Variants in KLHL1 observed in about 807,000 individuals in gnomAD.
KLHL1 encodes the protein kelch like family member 1.
A neutral mutation model predicts 77.7 loss-of-function variants in KLHL1; 47 were observed. That is an observed-to-expected ratio of 0.60 (90% CI 0.48 to 0.77). The LOEUF (loss-of-function observed/expected upper bound fraction) is 0.77. KLHL1 is among the 30% of genes least tolerant of loss of function. The pLI, the probability that KLHL1 is intolerant of heterozygous loss-of-function variation, is 0.00. For missense variants in KLHL1, 925 were observed against 910.8 expected (o/e 1.02, Z -0.20); for synonymous variants, 360 against 325.2 (o/e 1.11, Z -1.15).
chr13:70,049,382 TTAAG>T (rs1398904292), intron 1 of KLHL1, among the ~76,000 whole-genome samples: 2 of 152,208 alleles, frequency 1.3e-5, no homozygotes, highest in East Asian at 1.9e-4. Context: ...TTAAAAATAC[TTAAG>T]TAACACTTTA....
chr13:69,801,021 A>G (rs528084360), intron 6 of KLHL1, among the ~76,000 whole-genome samples: 2 of 152,310 alleles, frequency 1.3e-5, no homozygotes, highest in East Asian at 3.9e-4. Flanking sequence ...GTGAAGTCGA[A>G]TTACTCTGTG....
At chr13:69,718,969 C>T (rs946724560) in intron 9 of KLHL1, among the ~76,000 whole-genome samples, 1 of 152,012 alleles carries the variant, frequency 6.6e-6, no homozygotes, top group African/African-American at 2.4e-5. Flanking sequence ...GAATAGAACA[C>T]AGAAGCAAAA....
intron 7 of KLHL1, among the ~76,000 whole-genome samples, chr13:69,746,646 G>A (rs1260540010): frequency 6.6e-6 from 1 of 150,580 alleles, no homozygotes; most frequent in Non-Finnish European, 1.5e-5. Flanking sequence ...TGTTGTTATT[G>A]TTCTATGGGT....
intron 8 of KLHL1, among the ~76,000 whole-genome samples, chr13:69,729,182 G>T (rs564994984): frequency 0.052 from 7,955 of 152,032 alleles, 354 homozygotes; most frequent in African/African-American, 0.12. Flanking sequence ...CTTTTTTTGT[G>T]TGTGTTTTCT....
At chr13:69,982,476 T>TAATAAA (rs1555287858) in intron 1 of KLHL1, among the ~76,000 whole-genome samples, 2 of 135,638 alleles carry the variant, frequency 1.5e-5, no homozygotes, top group Non-Finnish European at 3.2e-5. Context: ...ATAATAATAA[T>TAATAAA]AATAAAATAA....
intron 4 of KLHL1, among the ~76,000 whole-genome samples, chr13:69,915,729 C>T (rs1346806747): frequency 6.6e-6 from 1 of 151,912 alleles, no homozygotes; most frequent in East Asian, 1.9e-4. Context: ...CAACAAAAGC[C>T]AAAATTGACA....
intron 1 of KLHL1, among the ~76,000 whole-genome samples, chr13:70,020,869 C>T (rs1885773874): frequency 6.6e-6 from 1 of 151,706 alleles, no homozygotes; most frequent in African/African-American, 2.4e-5. Context: ...TTTATATATA[C>T]ATACTTTATT....
chr13:69,921,015 G>C (rs957885245), intron 4 of KLHL1, among the ~76,000 whole-genome samples: 1 of 152,130 alleles, frequency 6.6e-6, no homozygotes, highest in African/African-American at 2.4e-5. Context: ...CAACTTGGCA[G>C]ATAAAATGAA....
rs868133604 is a variant in KLHL1, at chr13:69,908,925, C to T, written c.1015-26430G>A. ...ATTTTCCATATATATTTTAAATATTCTATAATACTAATTTACTAGGTATAA... is the reference window on the plus strand; with the variant it reads ...ATTTTCCATATATATTTTAAATATTTTATAATACTAATTTACTAGGTATAA... On this transcript the variant is annotated intron_variant, in intron 4 of 10. Transcript: ENST00000377844. 2.7e-5 allele frequency among the ~76,000 whole-genome samples: 4 copies of T among 149,562 alleles called. No homozygotes were observed. The Middle Eastern group carries it at 0.015, about 558-fold the overall frequency.
intron 8 of KLHL1, among the ~76,000 whole-genome samples, chr13:69,738,754 T>C (rs1873866485): frequency 6.6e-6 from 1 of 152,046 alleles, no homozygotes; most frequent in South Asian, 2.1e-4. Flanking sequence ...AGACTGTGCT[T>C]AAAGACCAAA....
intron 1 of KLHL1, among the ~76,000 whole-genome samples, chr13:70,074,985 T>G (rs694172): frequency 0.72 from 108,859 of 151,744 alleles, 39,188 homozygotes; most frequent in East Asian, 0.88. Flanking sequence ...ATAATGGAGG[T>G]GCCAGGGGAA....
chr13:70,060,253 T>C (rs1299017197), intron 1 of KLHL1, among the ~76,000 whole-genome samples: 1 of 152,124 alleles, frequency 6.6e-6, no homozygotes, highest in African/African-American at 2.4e-5. Context: ...TTATCCAAAA[T>C]ACAGGTAATA....
At chr13:69,787,158 A>G (rs1338190137) in intron 7 of KLHL1, among the ~76,000 whole-genome samples, 1 of 152,188 alleles carries the variant, frequency 6.6e-6, no homozygotes, top group African/African-American at 2.4e-5. Context: ...GGAAAAAACT[A>G]CTTTAAAGTT....
At chr13:69,855,352 A>AT (rs879455913) in intron 5 of KLHL1, among the ~76,000 whole-genome samples, 5,712 of 102,140 alleles carry the variant, frequency 0.056, 157 homozygotes, top group Non-Finnish European at 0.072. Flanking sequence ...AGATAGACAG[A>AT]CAGATAGATA....
At chr13:70,029,498 A>G (rs1015702285) in intron 1 of KLHL1, among the ~76,000 whole-genome samples, 2 of 152,180 alleles carry the variant, frequency 1.3e-5, no homozygotes, top group African/African-American at 2.4e-5. Context: ...ATATCCAGCC[A>G]AACTAAGCTT....
intron 1 of KLHL1, among the ~76,000 whole-genome samples, chr13:70,049,626 A>G (rs1886583441): frequency 6.6e-6 from 1 of 152,128 alleles, no homozygotes; most frequent in Admixed American, 6.5e-5. Context: ...ATTTACACAG[A>G]TTTTATAATT....
chr13:70,005,632 G>T (rs1455238117), intron 1 of KLHL1, among the ~76,000 whole-genome samples: 1 of 151,564 alleles, frequency 6.6e-6, no homozygotes, highest in African/African-American at 2.4e-5. Context: ...ATATGTACAA[G>T]ATAAACACTG....
At chr13:69,998,944 C>A (rs552953316) in intron 1 of KLHL1, among the ~76,000 whole-genome samples, 1 of 151,960 alleles carries the variant, frequency 6.6e-6, no homozygotes, top group Non-Finnish European at 1.5e-5. Flanking sequence ...TCCCACATGA[C>A]GTCTCCAGGT....
intron 4 of KLHL1, among the ~76,000 whole-genome samples, chr13:69,889,527 T>C (rs560662735): frequency 1.3e-5 from 2 of 152,172 alleles, no homozygotes; most frequent in East Asian, 3.9e-4. Context: ...TCCTCACCCA[T>C]CTATTTTGAG....
Sources: allele counts gnomAD v4.1 joint callset (sites outside exome capture counted in the v4.1 genomes callset), GRCh38; gene constraint gnomAD v4.1.1; transcripts MANE v1.5; gene names NCBI Gene and HGNC (gene_info 2026-07-23, HGNC 2026-07-21).